SAMD8: variants seen among roughly 807,000 people sequenced by gnomAD.
SAMD8 encodes the protein sterile alpha motif domain containing 8, also known as sphingomyelin synthase-related protein 1.
A neutral mutation model predicts 42.0 loss-of-function variants in SAMD8; 20 were observed. The observed-to-expected ratio is 0.48, with a 90% CI of 0.34 to 0.69. The LOEUF (loss-of-function observed/expected upper bound fraction) is 0.69, where lower values mean the gene tolerates loss of function less well. Ranked by LOEUF, SAMD8 falls within the 30% of genes least tolerant of loss-of-function variation. The pLI, the probability that SAMD8 is intolerant of heterozygous loss-of-function variation, is 0.01. For missense variants in SAMD8, 328 were observed against 511.6 expected (o/e 0.64, Z 3.46); for synonymous variants, 162 against 173.0 (o/e 0.94, Z 0.50).
intron 1 of SAMD8, among the ~76,000 whole-genome samples, chr10:75,144,207 A>AC (rs1554860359): frequency 6.6e-6 from 1 of 151,796 alleles, no homozygotes; most frequent in Non-Finnish European, 1.5e-5. Context: ...TGACCTCGTG[A>AC]CCGCCTACCT....
intron 1 of SAMD8, among the ~76,000 whole-genome samples, chr10:75,133,086 A>G (rs1849309581): frequency 6.6e-6 from 1 of 151,948 alleles, no homozygotes; most frequent in African/African-American, 2.4e-5. Context: ...ATTATGGAAA[A>G]CACTGTGAAG....
intron 1 of SAMD8, among the ~76,000 whole-genome samples, chr10:75,120,025 AC>A (rs1470862421): frequency 6.6e-6 from 1 of 152,072 alleles, no homozygotes; most frequent in East Asian, 1.9e-4. Flanking sequence ...CCGAGATTGT[AC>A]CACTGCACTC....
At chr10:75,169,357 C>T (rs907365799) in intron 4 of SAMD8, among the ~76,000 whole-genome samples, 1 of 150,804 alleles carries the variant, frequency 6.6e-6, no homozygotes, top group East Asian at 2.0e-4. Context: ...CAGTGGTGGA[C>T]GCCTGTAATC....
intron 2 of SAMD8, among the ~76,000 whole-genome samples, chr10:75,152,051 C>CT (rs200268216): frequency 2.4e-4 from 31 of 127,290 alleles, no homozygotes; most frequent in African/African-American, 7.0e-4. Flanking sequence ...ACTTGGCTGC[C>CT]TTTTTTTATT....
intron 1 of SAMD8, among the ~76,000 whole-genome samples, chr10:75,102,162 A>T (rs10824273): frequency 0.18 from 27,657 of 152,200 alleles, 2,734 homozygotes; most frequent in East Asian, 0.24. Flanking sequence ...ACTGTGGCAT[A>T]TTGTGTACAT....
intron 1 of SAMD8, chr10:75,104,223 T>G: frequency 5.7e-6 from 3 of 530,148 alleles, no homozygotes; most frequent in Non-Finnish European, 9.1e-6. Flanking sequence ...GTGCATAAGG[T>G]CAAGTGAGTG....
At chr10:75,103,744 A>T in intron 1 of SAMD8, 1 of 557,274 alleles carries the variant, frequency 1.8e-6, no homozygotes, top group Non-Finnish European at 2.8e-6. Flanking sequence ...CTGAGCCCTG[A>T]GGGGAGCTGC....
intron 1 of SAMD8, chr10:75,125,215 C>T (rs545926068): frequency 6.6e-6 from 1 of 152,300 alleles, no homozygotes; most frequent in South Asian, 2.1e-4. Context: ...TCCTCGTTTC[C>T]AAGAAGGAAC....
intron 1 of SAMD8, chr10:75,103,883 C>A (rs369871001): frequency 1.8e-4 from 234 of 1,300,186 alleles, no homozygotes; most frequent in Middle Eastern, 2.3e-4. Flanking sequence ...GAGAGGGGAG[C>A]CCACTCCCAC....
Position 75,111,728 on chromosome 10 carries a change from C to T in SAMD8, c.-16+6C>T. The T allele has an allele frequency of 1.6e-6, 2 of 1,233,856 alleles. No individual in the cohort carries two copies. Among genetic ancestry groups the T allele is most frequent in the Non-Finnish European group, 2.0e-6 (2 of 988,772 alleles). The allele number at this position is 1,233,856 out of a possible 1,614,324, so 76.4% of individuals were successfully genotyped here. A position where few individuals can be genotyped will look rare whatever the true frequency, so the allele number is the denominator to read the frequency against. ...GCCCGACTCGGACCGCGGAGGTGAG[C>T]GGGAGCTGAGGCTGAGGAGAGGGGA... On this transcript the variant is annotated splice_donor_region_variant and intron_variant, in intron 1 of 5. Transcript: ENST00000542569.
intron 4 of SAMD8, among the ~76,000 whole-genome samples, chr10:75,172,804 AT>A (rs938231262): frequency 4.0e-5 from 6 of 148,262 alleles, no homozygotes; most frequent in South Asian, 4.3e-4. Flanking sequence ...CCTAATTTTA[AT>A]TTTTTTTTTG....
chr10:75,150,898 A>G lies in SAMD8; in HGVS notation c.370A>G (p.Thr124Ala). Reference sequence around the variant, plus strand: ...TTCCCATGACTGTGACGGACCCATAACTGACTTGAATTCTGATCAGTACCA... The same window carrying G: ...TTCCCATGACTGTGACGGACCCATAGCTGACTTGAATTCTGATCAGTACCA... ...ELSHDCDGPI[T>A]DLNSDQYQYM... The change falls in exon 2 of 6, where the codon ACT becomes GCT. Residue 124 changes from threonine (T) to alanine (A), a missense_variant. By Grantham distance (58) the Thr-to-Ala change is moderately conservative. Around this residue, in one of 2 missense-constraint regions of SAMD8, gnomAD observed 150 missense variants for 186.0 expected, o/e 0.81. Transcript: ENST00000542569. 6.2e-7 allele frequency: 1 copy of G among 1,612,636 alleles called. No individual in the cohort carries two copies. Among genetic ancestry groups the G allele is most frequent in the Non-Finnish European group, 8.5e-7 (1 of 1,179,214 alleles).
At chr10:75,135,221 G>T (rs572336773) in intron 1 of SAMD8, among the ~76,000 whole-genome samples, 8 of 152,042 alleles carry the variant, frequency 5.3e-5, no homozygotes, top group Non-Finnish European at 1.2e-4. Context: ...GGGAGGCCGA[G>T]GCGGGCTGAT....
Position 75,176,020 on chromosome 10 carries a change from A to C in SAMD8, c.793-46A>C. On this transcript the variant is annotated intron_variant, in intron 4 of 5. Transcript: ENST00000542569. This position sits in a 1 kb window ranked among gnomAD's most constrained non-coding sequence, Gnocchi z 4.3. ...TAGGAATGGATGTTGGGAAGTTCCC[A>C]CCTCCCTAAGCATTTGAAGCACTAA... is the stretch of plus-strand genomic sequence containing the variant. 1 of 1,575,162 alleles carries C rather than the reference A, an allele frequency of 6.3e-7. No individual in the cohort carries two copies. Among genetic ancestry groups the C allele is most frequent in the Non-Finnish European group, 8.6e-7 (1 of 1,161,758 alleles).
At chr10:75,127,883 A>G (rs1849181402) in intron 1 of SAMD8, among the ~76,000 whole-genome samples, 1 of 152,180 alleles carries the variant, frequency 6.6e-6, no homozygotes, top group Admixed American at 6.5e-5. Flanking sequence ...TTTGAAGAAT[A>G]TTTTATTTGT....
chr10:75,156,672 C>T lies in SAMD8; in HGVS notation c.578+5566C>T, dbSNP rs12248543. 8.8e-3 allele frequency among the ~76,000 whole-genome samples: 1,327 copies of T among 151,474 alleles called. 23 individuals carry two copies. Among genetic ancestry groups the T allele is most frequent in the African/African-American group, 0.026 (1,088 of 41,318 alleles). The stretch of plus-strand genomic sequence containing the variant: ...AAAAACTTTAACCTATATCTAATCA[C>T]GAAGAAACAATCAGACAAATCCAGA... On this transcript the variant is annotated intron_variant, in intron 2 of 5. Transcript: ENST00000542569.
intron 1 of SAMD8, among the ~76,000 whole-genome samples, chr10:75,130,274 G>C (rs1378695998): frequency 6.6e-6 from 1 of 152,100 alleles, no homozygotes; most frequent in African/African-American, 2.4e-5. Context: ...GGCCGAGGCA[G>C]GCAGATCACC....
intron 1 of SAMD8, among the ~76,000 whole-genome samples, chr10:75,106,163 A>T (rs1194636847): frequency 2.8e-5 from 4 of 141,934 alleles, no homozygotes; most frequent in Non-Finnish European, 6.0e-5. Context: ...GCTGGTCTTG[A>T]ACTCCTGAAC....
At chr10:75,128,186 C>T (rs1263546603) in intron 1 of SAMD8, among the ~76,000 whole-genome samples, 2 of 150,872 alleles carry the variant, frequency 1.3e-5, no homozygotes, top group South Asian at 4.2e-4. Flanking sequence ...AATTCTCCTA[C>T]CTCAGCCTCC....
Sources: allele counts gnomAD v4.1 joint callset (sites outside exome capture counted in the v4.1 genomes callset), GRCh38; gene constraint gnomAD v4.1.1; regional missense constraint gnomAD v4.1.1; non-coding constraint Gnocchi (gnomAD v3.1); transcripts MANE v1.5; gene names NCBI Gene and HGNC (gene_info 2026-07-23, HGNC 2026-07-21).